CDYL2: variants seen among roughly 807,000 people sequenced by gnomAD.
CDYL2 encodes the protein chromodomain Y-like protein 2.
In CDYL2, 23 loss-of-function variants were observed where a neutral mutation model predicts 49.4. That is an observed-to-expected ratio of 0.47 (90% CI 0.34 to 0.66). The LOEUF is 0.66. CDYL2 is among the 30% of genes least tolerant of loss of function. The pLI, the probability that CDYL2 is intolerant of heterozygous loss-of-function variation, is 0.01. For missense variants in CDYL2, 678 were observed against 656.4 expected, an observed-to-expected ratio of 1.03 and a Z score of -0.36; for synonymous variants, 360 against 268.8, an observed-to-expected ratio of 1.34 and a Z score of -3.32.
At chr16:80,753,838 T>TA (rs1056837895) in intron 1 of CDYL2, among the ~76,000 whole-genome samples, 2 of 152,010 alleles carry the variant, frequency 1.3e-5, no homozygotes, top group Non-Finnish European at 2.9e-5. Flanking sequence ...ATTAAAAGAA[T>TA]AAAAAAAGAC....
chr16:80,762,527 A>C (rs920809930), intron 1 of CDYL2, among the ~76,000 whole-genome samples: 2 of 152,228 alleles, frequency 1.3e-5, no homozygotes, highest in Non-Finnish European at 2.9e-5. Flanking sequence ...TTTCAGGCCA[A>C]AGCGTGATGC....
At chr16:80,621,993 T>C (rs1907104159) in intron 3 of CDYL2, among the ~76,000 whole-genome samples, 1 of 152,174 alleles carries the variant, frequency 6.6e-6, no homozygotes, top group African/African-American at 2.4e-5. Context: ...TGGTCACTAT[T>C]CTTACTTCCA....
chr16:80,776,175 G>A (rs187483275), intron 1 of CDYL2, among the ~76,000 whole-genome samples: 7 of 152,162 alleles, frequency 4.6e-5, no homozygotes, highest in Non-Finnish European at 1.0e-4. Context: ...ATATCAATTA[G>A]AAGACAACAT....
chr16:80,801,147 C>A (rs1310481420), intron 1 of CDYL2, among the ~76,000 whole-genome samples: 1 of 152,220 alleles, frequency 6.6e-6, no homozygotes, highest in African/African-American at 2.4e-5. Context: ...TAAGAAATTT[C>A]ACTTTCGATC....
intron 1 of CDYL2, among the ~76,000 whole-genome samples, chr16:80,785,510 T>C (rs1907405534): frequency 2.0e-5 from 3 of 152,082 alleles, no homozygotes; most frequent in Admixed American, 2.0e-4. Flanking sequence ...ATAGGAAGAA[T>C]CAGTATCATG....
chr16:80,803,622 A>G (rs1023036516), intron 1 of CDYL2, among the ~76,000 whole-genome samples: 2 of 86,646 alleles, frequency 2.3e-5, no homozygotes, highest in Admixed American at 1.3e-4. Flanking sequence ...GCCCCCCGGG[A>G]CCCCGCCTCG....
intron 2 of CDYL2, among the ~76,000 whole-genome samples, chr16:80,659,544 G>A (rs1233293162): frequency 2.0e-5 from 3 of 151,660 alleles, no homozygotes; most frequent in Non-Finnish European, 4.4e-5. Flanking sequence ...ATAATGTATA[G>A]TCTACACTCA....
intron 1 of CDYL2, among the ~76,000 whole-genome samples, chr16:80,719,334 C>T (rs966636034): frequency 1.3e-5 from 2 of 152,120 alleles, no homozygotes; most frequent in Non-Finnish European, 2.9e-5. Flanking sequence ...TCAGTGCCTC[C>T]GTTTCTCCAT....
chr16:80,767,142 A>G lies in CDYL2; in HGVS notation c.24+37008T>C, dbSNP rs143108107. On this transcript the variant is annotated intron_variant, in intron 1 of 6. Coordinates refer to ENST00000570137, the MANE Select transcript of CDYL2 (RefSeq NM_152342.4). ...CAAACTCTCCCAAACAGCAGTGACA[A>G]ATAGAAGAACATCAGCCCTCCACAT... is the stretch of plus-strand genomic sequence containing the variant. 4.4e-4 allele frequency among the ~76,000 whole-genome samples: 67 copies of G among 152,230 alleles called. No individual in the cohort carries two copies. The Middle Eastern group carries it at 0.01, about 23-fold the overall frequency.
Position 80,783,032 on chromosome 16 carries a change from A to T in CDYL2, c.24+21118T>A, listed in dbSNP as rs549869016. On this transcript the variant is annotated intron_variant, in intron 1 of 6. Transcript: ENST00000570137. Reference sequence around the variant, plus strand: ...CCAAGAGCTAAGGCAATGAAAGAAAACACAGATACAGTAGAATTCTTTAAA... The same window carrying T: ...CCAAGAGCTAAGGCAATGAAAGAAATCACAGATACAGTAGAATTCTTTAAA... Among the ~76,000 whole-genome samples, 3 of 152,256 alleles carry T rather than the reference A, an allele frequency of 2.0e-5. No homozygotes were observed. The South Asian group carries it at 6.2e-4, about 32-fold the overall frequency.
intron 1 of CDYL2, among the ~76,000 whole-genome samples, chr16:80,743,043 T>C (rs1186403287): frequency 6.6e-6 from 1 of 151,770 alleles, no homozygotes; most frequent in East Asian, 1.9e-4. Flanking sequence ...GGTAGGTGGG[T>C]GGATGGCTGT....
intron 2 of CDYL2, among the ~76,000 whole-genome samples, chr16:80,638,291 T>C (rs1907930034): frequency 1.3e-5 from 2 of 152,136 alleles, no homozygotes; most frequent in South Asian, 4.1e-4. Context: ...CCTAGGCTGG[T>C]CTCAAATTCC....
chr16:80,772,959 T>C (rs2142396672), intron 1 of CDYL2, among the ~76,000 whole-genome samples: 1 of 152,296 alleles, frequency 6.6e-6, no homozygotes, highest in East Asian at 1.9e-4. Context: ...AGCTCAAATA[T>C]ATGTATAATT....
intron 1 of CDYL2, among the ~76,000 whole-genome samples, chr16:80,742,467 T>C (rs1484488588): frequency 2.7e-5 from 4 of 150,782 alleles, no homozygotes; most frequent in Admixed American, 2.0e-4. Flanking sequence ...GATGCATGGA[T>C]GGATGGATGG....
At chr16:80,709,950 T>TG (rs1904538008) in intron 1 of CDYL2, among the ~76,000 whole-genome samples, 1 of 150,874 alleles carries the variant, frequency 6.6e-6, no homozygotes, top group African/African-American at 2.5e-5. Flanking sequence ...TTTTTTAACA[T>TG]GGAGTTTCAC....
intron 1 of CDYL2, among the ~76,000 whole-genome samples, chr16:80,783,847 T>C (rs113946277): frequency 4.6e-5 from 7 of 152,212 alleles, no homozygotes; most frequent in African/African-American, 1.7e-4. Context: ...ATATACAAAA[T>C]AGGCAAAAGC....
chr16:80,741,695 A>C (rs1475115837), intron 1 of CDYL2, among the ~76,000 whole-genome samples: 1 of 152,254 alleles, frequency 6.6e-6, no homozygotes, highest in Admixed American at 6.5e-5. Context: ...CAAATAAAAG[A>C]TATTTAAATT....
chr16:80,674,055 G>A (rs1168330261), intron 2 of CDYL2, among the ~76,000 whole-genome samples: 5 of 152,174 alleles, frequency 3.3e-5, no homozygotes, highest in African/African-American at 1.2e-4. Flanking sequence ...TCTGACTCCA[G>A]AACTATAAGG....
At chr16:80,688,936 G>A (rs377471959) in intron 1 of CDYL2, among the ~76,000 whole-genome samples, 1 of 152,114 alleles carries the variant, frequency 6.6e-6, no homozygotes, top group Non-Finnish European at 1.5e-5. Flanking sequence ...ACAGAGAGCT[G>A]GTACCCCTGG....
Sources: allele counts gnomAD v4.1 joint callset (sites outside exome capture counted in the v4.1 genomes callset), GRCh38; gene constraint gnomAD v4.1.1; transcripts MANE v1.5; gene names NCBI Gene and HGNC (gene_info 2026-07-23, HGNC 2026-07-21).